The following OR3A2 variants were observed in gnomAD, a reference collection of about 807,000 sequenced individuals.
The protein encoded by OR3A2 is olfactory receptor family 3 subfamily A member 2, also known as olfactory receptor 3A2.
For missense variants in OR3A2, 318 were observed against 392.8 expected (o/e 0.81, Z 1.61); for synonymous variants, 126 against 159.3 (o/e 0.79, Z 1.57).
intron 2 of OR3A2, among the ~76,000 whole-genome samples, chr17:3,348,778 A>T (rs2049392724): frequency 6.6e-6 from 1 of 152,218 alleles, no homozygotes; most frequent in South Asian, 2.1e-4. Context: ...GGGCAGCCAG[A>T]GAGAAAGGTC....
intron 3 of OR3A2, among the ~76,000 whole-genome samples, chr17:3,297,307 CCCTTA>C (rs1473475746): frequency 6.6e-6 from 1 of 152,152 alleles, no homozygotes; most frequent in Non-Finnish European, 1.5e-5. Flanking sequence ...CAGAACAATT[CCCTTA>C]CATATTAAGT....
intron 3 of OR3A2, chr17:3,310,405 T>C (rs760255438): frequency 5.6e-6 from 3 of 535,258 alleles, no homozygotes; most frequent in Non-Finnish European, 1.2e-5. Context: ...ATCCTCTTTG[T>C]CATCTTCCTT....
rs1273573923 is a variant in OR3A2, at chr17:3,375,165, TTTTTC to T, written c.-179+8634_-179+8638del. ...TTTTTTTTTTTTTTTTTTTTTTTTT[TTTTTC>T]TTTTTGAGACAGTCTCACTCAGTTG... On this transcript the variant is annotated intron_variant, in intron 2 of 4. Coordinates refer to the OR3A2 transcript ENST00000573491. 3.8e-4 allele frequency among the ~76,000 whole-genome samples: 44 copies of T among 115,374 alleles called. 3 individuals carry two copies. Among genetic ancestry groups the T allele is most frequent in the African/African-American group, 1.7e-3 (43 of 25,320 alleles). 75.7% of individuals were successfully genotyped at this position (115,374 alleles called of 152,430 possible).
chr17:3,344,893 G>A (rs1439087997), intron 2 of OR3A2, among the ~76,000 whole-genome samples: 5 of 152,204 alleles, frequency 3.3e-5, no homozygotes, highest in Middle Eastern at 3.2e-3. Context: ...GTAATGGGAA[G>A]AGCAGTAGCA....
chr17:3,309,577 G>A (rs890055869), intron 3 of OR3A2, among the ~76,000 whole-genome samples: 7 of 152,042 alleles, frequency 4.6e-5, no homozygotes, highest in African/African-American at 1.4e-4. Flanking sequence ...TTTGGTAAAC[G>A]GTCAGTACTT....
intron 2 of OR3A2, among the ~76,000 whole-genome samples, chr17:3,353,168 C>G (rs1023668001): frequency 1.3e-5 from 2 of 150,762 alleles, no homozygotes; most frequent in African/African-American, 4.9e-5. Context: ...TAAGTGTTGC[C>G]AGGTTGCTTT....
chr17:3,285,053 T>G (rs2048799877), upstream of OR3A2, among the ~76,000 whole-genome samples: 1 of 151,994 alleles, frequency 6.6e-6, no homozygotes, highest in African/African-American at 2.4e-5. Flanking sequence ...CCTATAATGA[T>G]TCTAGAGGTG....
At chr17:3,307,649 T>C (rs1330052367) in intron 3 of OR3A2, among the ~76,000 whole-genome samples, 1 of 152,178 alleles carries the variant, frequency 6.6e-6, no homozygotes, top group Non-Finnish European at 1.5e-5. Context: ...TGAGCCAGGA[T>C]GCTACAGGTT....
chr17:3,346,704 C>T (rs2049366526), intron 2 of OR3A2, among the ~76,000 whole-genome samples: 1 of 151,966 alleles, frequency 6.6e-6, no homozygotes, highest in Non-Finnish European at 1.5e-5. Flanking sequence ...CCCAACTGTC[C>T]TTCCCAGCCT....
At chr17:3,352,591 T>C (rs2049429731) in intron 2 of OR3A2, among the ~76,000 whole-genome samples, 1 of 152,036 alleles carries the variant, frequency 6.6e-6, no homozygotes, top group African/African-American at 2.4e-5. Context: ...TTCTCTATTA[T>C]GTTCCATTGG....
At chr17:3,367,444 T>A (rs1193152645) in intron 2 of OR3A2, among the ~76,000 whole-genome samples, 1 of 151,222 alleles carries the variant, frequency 6.6e-6, no homozygotes, top group Non-Finnish European at 1.5e-5. Flanking sequence ...CTCCCACTTA[T>A]GAGTGAGAAC....
Position 3,311,170 on chromosome 17 carries a change from T to C in OR3A2, c.-85+24863A>G, listed in dbSNP as rs757809018. 16 of 538,426 alleles carry C rather than the reference T, an allele frequency of 3.0e-5. No individual in the cohort carries two copies. Among genetic ancestry groups the C allele is most frequent in the Middle Eastern group, 3.1e-4 (1 of 3,182 alleles). 33.4% of individuals were successfully genotyped at this position (538,426 alleles called of 1,614,324 possible). ...ATCCTCAACACTGTCATCAGCCCCA[T>C]GCTGAACCCACTCATCTACTGGACA... On this transcript the variant is annotated intron_variant, in intron 3 of 4. Coordinates refer to the OR3A2 transcript ENST00000573491. The surrounding 1 kb of genome is among the most constrained non-coding windows in gnomAD (Gnocchi z 4.6).
At chr17:3,324,230 T>C (rs897402665) in intron 3 of OR3A2, among the ~76,000 whole-genome samples, 8 of 152,140 alleles carry the variant, frequency 5.3e-5, no homozygotes, top group African/African-American at 1.9e-4. Flanking sequence ...AGGACTTCTC[T>C]GCATTGGTTG....
chr17:3,288,169 T>C (rs2048830770), upstream of OR3A2, among the ~76,000 whole-genome samples: 1 of 141,366 alleles, frequency 7.1e-6, no homozygotes, highest in Non-Finnish European at 1.5e-5. Context: ...GCAACATATA[T>C]GGCAAAGAAT....
At chr17:3,348,511 C>G (rs1331577390) in intron 2 of OR3A2, among the ~76,000 whole-genome samples, 1 of 152,052 alleles carries the variant, frequency 6.6e-6, no homozygotes, top group Admixed American at 6.6e-5. Flanking sequence ...GCAAAGCCTC[C>G]AAGAAATATG....
intron 3 of OR3A2, among the ~76,000 whole-genome samples, chr17:3,307,034 A>G (rs2049005458): frequency 6.6e-6 from 1 of 152,150 alleles, no homozygotes; most frequent in Non-Finnish European, 1.5e-5. Flanking sequence ...TTCCTGTGGG[A>G]TGTTCAGGTA....
chr17:3,356,486 T>C (rs1342493131), intron 2 of OR3A2, among the ~76,000 whole-genome samples: 1 of 151,534 alleles, frequency 6.6e-6, no homozygotes, highest in Admixed American at 6.6e-5. Flanking sequence ...GCTTGAAGGA[T>C]ATTTTAGCAA....
At chr17:3,300,136 CT>C (rs879293427) in intron 3 of OR3A2, among the ~76,000 whole-genome samples, 242 of 144,640 alleles carry the variant, frequency 1.7e-3, no homozygotes, top group Non-Finnish European at 1.6e-3. Flanking sequence ...TCCCTTCCCT[CT>C]TTTTTTTTTT....
intron 1 of OR3A2, among the ~76,000 whole-genome samples, chr17:3,281,854 A>T (rs2048778815): frequency 6.6e-6 from 1 of 152,190 alleles, no homozygotes; most frequent in African/African-American, 2.4e-5. Flanking sequence ...CTTTAAGAAG[A>T]AAATACTGAT....
Sources: gnomAD v4.1 joint callset for allele counts (sites outside exome capture counted in the v4.1 genomes callset) on GRCh38, gnomAD v4.1.1 for gene constraint, Gnocchi (gnomAD v3.1) non-coding constraint, MANE v1.5 for transcripts, NCBI Gene and HGNC (gene_info 2026-07-23, HGNC 2026-07-21) for gene names.